The following TSPAN18 variants were observed in gnomAD, a reference collection of about 807,000 sequenced individuals.
The protein encoded by TSPAN18 is tetraspanin-18.
A neutral mutation model predicts 27.3 loss-of-function variants in TSPAN18; 14 were observed. The ratio of observed to expected loss-of-function variants is 0.51; its 90% CI spans 0.34 to 0.80. The LOEUF is 0.80. Among genes scored for constraint, TSPAN18 ranks in the 30% least tolerant of loss-of-function variants. The pLI is 0.01. For missense variants in TSPAN18, 268 were observed against 323.9 expected, an observed-to-expected ratio of 0.83 and a Z score of 1.32; for synonymous variants, 143 against 136.5, an observed-to-expected ratio of 1.05 and a Z score of -0.33.
intron 2 of TSPAN18, among the ~76,000 whole-genome samples, chr11:44,823,909 G>T (rs750297837): frequency 6.6e-6 from 1 of 152,096 alleles, no homozygotes; most frequent in Admixed American, 6.5e-5. Flanking sequence ...CCCCCCTCTC[G>T]GAACTGGGCA....
intron 1 of TSPAN18, among the ~76,000 whole-genome samples, chr11:44,738,775 G>A (rs1193770531): frequency 6.6e-6 from 1 of 152,158 alleles, no homozygotes; most frequent in Non-Finnish European, 1.5e-5. Flanking sequence ...TAGGGGTTAG[G>A]GCTTAAATAT....
intron 2 of TSPAN18, among the ~76,000 whole-genome samples, chr11:44,839,500 C>T (rs771062316): frequency 2.0e-5 from 3 of 152,164 alleles, no homozygotes; most frequent in Non-Finnish European, 2.9e-5. Context: ...CTCCTGTCTT[C>T]CTCTGTCCCA....
At chr11:44,781,500 A>G (rs1855939243) in intron 2 of TSPAN18, among the ~76,000 whole-genome samples, 1 of 152,254 alleles carries the variant, frequency 6.6e-6, no homozygotes, top group African/African-American at 2.4e-5. Flanking sequence ...GAGAAGGTGC[A>G]GTAGCAGCAC....
rs542105072 is a variant in TSPAN18 at position 44,836,961 on chromosome 11, A to G, written c.-152-23367A>G. Among the ~76,000 whole-genome samples the G allele has an allele frequency of 2.6e-5, 4 of 152,344 alleles. No homozygotes were observed. The South Asian group carries it at 6.2e-4, about 24-fold the overall frequency. Reference sequence around the variant, plus strand: ...CATTGACAGTGCACGTGGTCATCCAAGAGCTCTGATGGAGATGTACAGGGA... The same window carrying G: ...CATTGACAGTGCACGTGGTCATCCAGGAGCTCTGATGGAGATGTACAGGGA... On this transcript the variant is annotated intron_variant, in intron 2 of 9. Transcript: ENST00000520358.
Position 44,909,795 on chromosome 11 carries a change from C to G in TSPAN18, c.154C>G (p.Leu52Val). The G allele has an allele frequency of 6.2e-7, 1 of 1,614,116 alleles. No individual in the cohort carries two copies. The highest frequency in any genetic ancestry group is 8.5e-7 in the Non-Finnish European group (1 of 1,180,030). ...GATCGTGGCTGCCAATCCTCTGCTC[C>G]TCACGGGCGCCTACATCCTCCTGGC... ...REIVAANPLL[L>V]TGAYILLAMG... The change falls in exon 5 of 10, where the codon CTC (leucine) becomes GTC (valine). Residue 52 changes from leucine to valine, a missense_variant. Physicochemically the swap from Leu to Val is conservative, Grantham distance 32. Coordinates refer to ENST00000520358, the MANE Select transcript of TSPAN18 (RefSeq NM_130783.5).
intron 9 of TSPAN18, among the ~76,000 whole-genome samples, chr11:44,928,371 C>T (rs975848601): frequency 1.3e-5 from 2 of 152,184 alleles, no homozygotes; most frequent in East Asian, 1.9e-4. Flanking sequence ...GAGCTGGAGG[C>T]GAGCCTGCAG....
At chr11:44,767,433 A>G (rs1565140071) in intron 2 of TSPAN18, among the ~76,000 whole-genome samples, 1 of 152,212 alleles carries the variant, frequency 6.6e-6, no homozygotes, top group African/African-American at 2.4e-5. Flanking sequence ...TCCTCATGGC[A>G]TTCTCTGCAT....
rs1221443544 is a variant in TSPAN18, at chr11:44,784,184, A to T, written c.-153+19672A>T. 2.0e-5 allele frequency among the ~76,000 whole-genome samples: 3 copies of T among 152,224 alleles called. No homozygotes were observed. The East Asian group carries it at 5.8e-4, about 29-fold the overall frequency. ...GGAGAGGATACGGGGCCATAGTCCC[A>T]GATCCAGAGTCCCCTTCTGGGGCAG... On this transcript the variant is annotated intron_variant, in intron 2 of 9. Transcript: ENST00000520358.
intron 7 of TSPAN18, 123 bp from the exon 8 acceptor site, chr11:44,919,694 G>A (rs1295212833): frequency 2.8e-5 from 27 of 977,126 alleles, no homozygotes; most frequent in Non-Finnish European, 3.9e-5. Flanking sequence ...GTGGTGACAG[G>A]TGGAGCCCGC....
At chr11:44,749,780 G>C (rs1855168288) in intron 1 of TSPAN18, among the ~76,000 whole-genome samples, 1 of 152,004 alleles carries the variant, frequency 6.6e-6, no homozygotes, top group Admixed American at 6.6e-5. Flanking sequence ...GGGACTACAG[G>C]TGCCCGCTAC....
chr11:44,894,269 C>A lies in TSPAN18; in HGVS notation c.-10-12138C>A, dbSNP rs551617669. Among the ~76,000 whole-genome samples, 4 of 152,176 alleles carry A rather than the reference C, an allele frequency of 2.6e-5. No homozygotes were observed. The East Asian group carries it at 7.7e-4, about 29-fold the overall frequency. Reference sequence around the variant, plus strand: ...AGGCTTATGGCTGGCACAGGCAGATCCCCCACTGGTGGGAACGCAGTTGCA... The same window carrying A: ...AGGCTTATGGCTGGCACAGGCAGATACCCCACTGGTGGGAACGCAGTTGCA... On this transcript the variant is annotated intron_variant, in intron 3 of 9. Transcript: ENST00000520358.
intron 2 of TSPAN18, among the ~76,000 whole-genome samples, chr11:44,826,835 G>C (rs1590539521): frequency 3.3e-5 from 5 of 152,182 alleles, no homozygotes. Flanking sequence ...TGGGGAGCCT[G>C]GGGTAGGGGC....
At chr11:44,875,110 C>T (rs1274940176) in intron 3 of TSPAN18, among the ~76,000 whole-genome samples, 2 of 152,224 alleles carry the variant, frequency 1.3e-5, no homozygotes, top group Non-Finnish European at 2.9e-5. Flanking sequence ...TGCAGAGGTA[C>T]ATTCTCCCCC....
intron 8 of TSPAN18, among the ~76,000 whole-genome samples, chr11:44,922,835 A>G (rs57239470): frequency 0.26 from 38,913 of 152,072 alleles, 7,656 homozygotes; most frequent in African/African-American, 0.55. Flanking sequence ...GAGGCCAGGC[A>G]CGTTGGCTCA....
intron 1 of TSPAN18, among the ~76,000 whole-genome samples, chr11:44,741,244 C>T (rs914538794): frequency 6.6e-6 from 1 of 152,198 alleles, no homozygotes; most frequent in African/African-American, 2.4e-5. Context: ...ATAACATTTC[C>T]TCCCTTTCAT....
At chr11:44,868,788 A>T (rs1858109339) in intron 3 of TSPAN18, among the ~76,000 whole-genome samples, 1 of 152,244 alleles carries the variant, frequency 6.6e-6, no homozygotes. Flanking sequence ...ACCAGGGCAG[A>T]AAGTGAGGCA....
chr11:44,877,822 T>C (rs1858378705), intron 3 of TSPAN18, among the ~76,000 whole-genome samples: 1 of 151,894 alleles, frequency 6.6e-6, no homozygotes. Context: ...TAGATGTCTT[T>C]GTTTGCATTC....
chr11:44,814,778 C>T (rs1856788238), intron 2 of TSPAN18, among the ~76,000 whole-genome samples: 1 of 152,148 alleles, frequency 6.6e-6, no homozygotes, highest in African/African-American at 2.4e-5. Context: ...ACAGGGCCTA[C>T]AAGGTACTGC....
At chr11:44,815,123 T>C (rs1383376119) in intron 2 of TSPAN18, among the ~76,000 whole-genome samples, 3 of 152,072 alleles carry the variant, frequency 2.0e-5, no homozygotes, top group Non-Finnish European at 4.4e-5. Flanking sequence ...ACTGTGGGCC[T>C]AGGAAGGGCT....
Sources: allele counts gnomAD v4.1 joint callset (sites outside exome capture counted in the v4.1 genomes callset), GRCh38; gene constraint gnomAD v4.1.1; transcripts MANE v1.5; gene names NCBI Gene and HGNC (gene_info 2026-07-23, HGNC 2026-07-21).